The following PLEKHA8 variants were observed in gnomAD, a reference collection of about 807,000 sequenced individuals.
The protein encoded by PLEKHA8 is pleckstrin homology domain containing A8, also known as pleckstrin homology domain-containing family A member 8.
A neutral mutation model predicts 68.2 loss-of-function variants in PLEKHA8; 36 were observed. The observed-to-expected ratio is 0.53, with a 90% confidence interval of 0.40 to 0.70. PLEKHA8 has a LOEUF of 0.70. Among genes scored for constraint, PLEKHA8 ranks in the 30% least tolerant of loss-of-function variants. The pLI, the probability that PLEKHA8 is intolerant of heterozygous loss-of-function variation, is 0.00. For synonymous variants in PLEKHA8, 211 were observed against 216.1 expected (o/e 0.98, Z 0.20); for missense variants, 505 against 615.4 (o/e 0.82, Z 1.90).
Position 30,056,312 on chromosome 7 carries a change from C to CTCTCTCTCTCTATA in PLEKHA8, c.1039+971_1039+972insCTCTCTCTCTATAT, listed in dbSNP as rs796845171. On this transcript the variant is annotated intron_variant, in intron 9 of 13. Coordinates refer to ENST00000449726, the MANE Select transcript of PLEKHA8 (RefSeq NM_001197026.2). ...TCTCTCTCTCTCTCTCTCTCTCTCT[C>CTCTCTCTCTCTATA]TATATATATATATATATATAAATAA... Among the ~76,000 whole-genome samples the CTCTCTCTCTCTATA allele has an allele frequency of 4.6e-3, 435 of 94,510 alleles. 10 individuals are homozygous for CTCTCTCTCTCTATA. Among genetic ancestry groups the CTCTCTCTCTCTATA allele is most frequent in the South Asian group, 0.013 (35 of 2,600 alleles). The allele number at this position is 94,510 out of a possible 152,430, so 62.0% of individuals were successfully genotyped here.
At chr7:30,065,481 T>G (rs368765296) in intron 12 of PLEKHA8, among the ~76,000 whole-genome samples, 54 of 151,432 alleles carry the variant, frequency 3.6e-4, no homozygotes, top group African/African-American at 1.3e-3. Flanking sequence ...TTGAGAAATG[T>G]TTACACAATA....
exon 13 of PLEKHA8, chr7:30,090,723 T>C: frequency 1.5e-6 from 1 of 689,414 alleles, no homozygotes; most frequent in Non-Finnish European, 1.8e-6. Flanking sequence ...ATCTTTTAAA[T>C]AAACAGATTT....
At chr7:30,063,454 T>C (rs905086311) in intron 12 of PLEKHA8, among the ~76,000 whole-genome samples, 18 of 152,180 alleles carry the variant, frequency 1.2e-4, no homozygotes, top group African/African-American at 4.3e-4. Flanking sequence ...CATTGATCTA[T>C]AGGAAATTCT....
chr7:30,071,313 A>G (rs780557654), intron 12 of PLEKHA8, among the ~76,000 whole-genome samples: 49 of 152,312 alleles, frequency 3.2e-4, no homozygotes, highest in Non-Finnish European at 2.8e-4. Context: ...TTCAGATCCA[A>G]TGAATTTTGC....
chr7:30,046,308 G>T lies in PLEKHA8; in HGVS notation c.256G>T (p.Val86Leu). 1 of 1,613,892 alleles carries T rather than the reference G, an allele frequency of 6.2e-7. No homozygotes were observed. Among genetic ancestry groups the T allele is most frequent in the South Asian group, 1.1e-5 (1 of 91,040 alleles). ...TGTGGCTGAAAGACAGCGGTGGCTG[G>T]TGGCCCTGGGATCAGCCAAGGCTTG... ...RSVAERQRWLVALGSAKACLT... is the reference protein window; with the variant it reads ...RSVAERQRWLLALGSAKACLT... Residue 86 changes from valine (V) to leucine (L), a missense_variant, in exon 3 of 14, where the codon GTG becomes TTG. By Grantham distance (32) the Val-to-Leu change is conservative. Transcript: ENST00000449726.
intron 7 of PLEKHA8, among the ~76,000 whole-genome samples, chr7:30,053,567 A>C (rs1464493370): frequency 6.6e-6 from 1 of 152,230 alleles, no homozygotes; most frequent in East Asian, 1.9e-4. Context: ...TGAGAGAGAC[A>C]ATCCACACAT....
rs115042593 is a variant in PLEKHA8 at position 30,112,340 on chromosome 7, A to G, written c.1363-16926A>G. ...AAAAAGTCAAGATTTTCTGACCACA[A>G]TGTACTACAATTTGAAATTAGTTAA... On this transcript the variant is annotated intron_variant, in intron 13 of 13. Transcript: ENST00000396257. Among the ~76,000 whole-genome samples the G allele has an allele frequency of 8.8e-3, 1,342 of 152,232 alleles. 21 individuals are homozygous for G. Among genetic ancestry groups the G allele is most frequent in the African/African-American group, 0.031 (1,294 of 41,520 alleles).
rs1217374902 is a variant in PLEKHA8, at chr7:30,028,716, G to C, written c.-47G>C. 8 of 1,225,726 alleles carry C rather than the reference G, an allele frequency of 6.5e-6. No homozygotes were observed. Among genetic ancestry groups the C allele is most frequent in the Non-Finnish European group, 8.3e-6 (8 of 969,396 alleles). 75.9% of individuals were successfully genotyped at this position (1,225,726 alleles called of 1,614,324 possible). A position where few individuals can be genotyped will look rare whatever the true frequency, so the allele number is the denominator to read the frequency against. The stretch of plus-strand genomic sequence containing the variant: ...GGTGCTCCTCGCCTCTTGGGGCCTG[G>C]GGCAGTGAGGGGGCCGGCGGGCGTG... On this transcript the variant is annotated 5_prime_UTR_variant, in exon 1 of 14. Transcript: ENST00000449726.
chr7:30,115,091 C>A (rs1056157478), intron 13 of PLEKHA8, among the ~76,000 whole-genome samples: 1 of 152,116 alleles, frequency 6.6e-6, no homozygotes, highest in African/African-American at 2.4e-5. Flanking sequence ...CCACTCACTT[C>A]TCTCTTTGTT....
In PLEKHA8 at chr7:30,045,091, A is replaced by G. The variant is rs755984093; in HGVS notation, c.47A>G (p.Gln16Arg). ...YKWTNYLSGW[Q>R]PRWFLLCGGI... is the part of the protein sequence containing the mutation. ...CTCTTGCTTTTGTTTTCAGGTTGGC[A>G]GCCTCGATGGTTCCTTCTCTGTGGG... Residue 16 changes from glutamine (Q) to arginine (R), a missense_variant, in exon 2 of 14, where the codon CAG becomes CGG. Physicochemically the swap from Gln to Arg is conservative, Grantham distance 43. Coordinates refer to ENST00000449726, the MANE Select transcript of PLEKHA8 (RefSeq NM_001197026.2). The G allele has an allele frequency of 1.3e-5, 20 of 1,597,414 alleles. No individual in the cohort carries two copies. The East Asian group carries it at 4.0e-4, about 32-fold the overall frequency.
chr7:30,108,922 A>G (rs796896298), intron 13 of PLEKHA8, among the ~76,000 whole-genome samples: 1 of 152,342 alleles, frequency 6.6e-6, no homozygotes, highest in African/African-American at 2.4e-5. Flanking sequence ...AGCAGTCTGT[A>G]TGCCTCCCAC....
chr7:30,084,978 T>C (rs1003889725), downstream of PLEKHA8, among the ~76,000 whole-genome samples: 8 of 151,070 alleles, frequency 5.3e-5, no homozygotes, highest in Non-Finnish European at 8.8e-5. Context: ...GCAGTCTTGC[T>C]CTGTTGCCCA....
chr7:30,036,347 A>G (rs149659707), intron 1 of PLEKHA8, among the ~76,000 whole-genome samples: 31 of 152,242 alleles, frequency 2.0e-4, no homozygotes, highest in African/African-American at 7.2e-4. Context: ...TGGGTGACAG[A>G]GCAAGACTGT....
At chr7:30,116,945 T>C (rs1274778239) in intron 13 of PLEKHA8, among the ~76,000 whole-genome samples, 2 of 152,228 alleles carry the variant, frequency 1.3e-5, no homozygotes, top group Non-Finnish European at 2.9e-5. Context: ...GGCACTCCCC[T>C]GCCCGCCTTC....
At chr7:30,040,739 A>G (rs766229087) in intron 1 of PLEKHA8, among the ~76,000 whole-genome samples, 16 of 152,202 alleles carry the variant, frequency 1.1e-4, no homozygotes, top group Non-Finnish European at 1.2e-4. Flanking sequence ...TTGGTATTTA[A>G]ATACTCTTTT....
chr7:30,060,919 A>G lies in PLEKHA8; in HGVS notation c.1075A>G (p.Met359Val), dbSNP rs1793383102. 1 of 1,613,470 alleles carries G rather than the reference A, an allele frequency of 6.2e-7. No homozygotes were observed. The highest frequency in any genetic ancestry group is 1.3e-5 in the African/African-American group (1 of 74,996). Residue 359 changes from methionine (M) to valine (V), a missense_variant, in exon 10 of 14, where the codon ATG becomes GTG. Transcript: ENST00000449726. ...CCCTACAGTGTTTGCTCCTGTTAAGATGGATCTTGTTGGAAATATTAAGGT... is the reference window on the plus strand; with the variant it reads ...CCCTACAGTGTTTGCTCCTGTTAAGGTGGATCTTGTTGGAAATATTAAGGT... ...LGPTVFAPVK[M>V]DLVGNIKKVN...
Position 30,083,807 on chromosome 7 carries a change from A to G in PLEKHA8, c.*5020A>G. 1.0e-6 allele frequency: 1 copy of G among 985,444 alleles called. No individual in the cohort carries two copies. The highest frequency in any genetic ancestry group is 1.2e-6 in the Non-Finnish European group (1 of 829,910). The allele number at this position is 985,444 out of a possible 1,614,324, so 61.0% of individuals were successfully genotyped here. On this transcript the variant is annotated 3_prime_UTR_variant, in exon 14 of 14. Transcript: ENST00000449726. ...TAGTTCATATATTTAAAGTGTGGTC[A>G]GTATTTCCTCCCTGTACCTTACAAA...
At chr7:30,120,069 T>C (rs1796670138) in intron 13 of PLEKHA8, among the ~76,000 whole-genome samples, 1 of 150,242 alleles carries the variant, frequency 6.7e-6, no homozygotes. Context: ...ATCAAAAAGC[T>C]AAGAACTTGG....
intron 13 of PLEKHA8, among the ~76,000 whole-genome samples, chr7:30,105,771 T>C (rs1796032814): frequency 6.6e-6 from 1 of 152,258 alleles, no homozygotes; most frequent in Non-Finnish European, 1.5e-5. Flanking sequence ...TCATAGTTTA[T>C]ATCATTTTTC....
Sources: allele counts gnomAD v4.1 joint callset (sites outside exome capture counted in the v4.1 genomes callset), GRCh38; gene constraint gnomAD v4.1.1; transcripts MANE v1.5; gene names NCBI Gene and HGNC (gene_info 2026-07-23, HGNC 2026-07-21).